Variants in KIF20B observed in about 807,000 individuals in gnomAD.
KIF20B encodes kinesin family member 20B, also known as kinesin-like protein KIF20B.
Under a neutral mutation model 232.5 loss-of-function variants are expected in KIF20B, and 188 were observed. The observed-to-expected ratio is 0.81, with a 90% CI of 0.72 to 0.91. The LOEUF (loss-of-function observed/expected upper bound fraction) is 0.91. KIF20B is among the 40% of genes least tolerant of loss of function. KIF20B has a pLI of 0.00. For missense variants in KIF20B, 2,154 were observed against 2,055.9 expected, an observed-to-expected ratio of 1.05 and a Z score of -0.92; for synonymous variants, 712 against 683.0, an observed-to-expected ratio of 1.04 and a Z score of -0.66.
intron 29 of KIF20B, 53 bp downstream of exon 29, chr10:89,762,888 G>GT: frequency 7.5e-7 from 1 of 1,337,296 alleles, no homozygotes; most frequent in Non-Finnish European, 1.1e-6. Context: ...TTATAAAGCT[G>GT]TTATAGTATA....
chr10:89,760,584 T>C lies in KIF20B; in HGVS notation c.4739T>C (p.Leu1580Pro). The change falls in exon 28 of 33, where the codon CTT becomes CCT. Residue 1580 changes from leucine (L) to proline (P), a missense_variant. Transcript: ENST00000371728. ...KRISSADPDK[L>P]QTEPLSTSFE... ...ATTAGTTCAGCAGATCCTGACAAAC[T>C]TCAAACTGAACCTCTATCGACAAGT... 6.2e-7 allele frequency: 1 copy of C among 1,613,174 alleles called. No homozygotes were observed. Among genetic ancestry groups the C allele is most frequent in the Non-Finnish European group, 8.5e-7 (1 of 1,179,376 alleles).
At chr10:89,726,272 T>C in intron 15 of KIF20B, 21 bp from the exon 16 acceptor site, 1 of 1,538,540 alleles carries the variant, frequency 6.5e-7, no homozygotes, top group South Asian at 1.2e-5. Context: ...ATATTAGGCA[T>C]GTGGTTTTTG....
chr10:89,726,744 G>A (rs757401071), intron 16 of KIF20B, among the ~76,000 whole-genome samples: 1 of 152,054 alleles, frequency 6.6e-6, no homozygotes, highest in Non-Finnish European at 1.5e-5. Flanking sequence ...ATTAGAAAAT[G>A]AGCTTCTCAA....
rs143017860 is a variant in KIF20B at position 89,712,126 on chromosome 10, G to A, written c.675+981G>A. 2.8e-3 allele frequency among the ~76,000 whole-genome samples: 425 copies of A among 151,276 alleles called. 2 individuals carry two copies. Among genetic ancestry groups the A allele is most frequent in the African/African-American group, 9.6e-3 (393 of 41,144 alleles). ...TATCTAGTATTGTATGACTTTTCTT[G>A]TTTACTGATTTATTAAAATGTATTT... On this transcript the variant is annotated intron_variant, in intron 6 of 32. Transcript: ENST00000371728.
chr10:89,764,630 AT>A (rs1178010682), intron 29 of KIF20B, among the ~76,000 whole-genome samples: 2 of 151,912 alleles, frequency 1.3e-5, no homozygotes, highest in Non-Finnish European at 2.9e-5. Context: ...TTTGATTTGC[AT>A]TTCTCTGATG....
intron 16 of KIF20B, 124 bp downstream of exon 16, chr10:89,726,645 C>A: frequency 4.0e-6 from 3 of 746,290 alleles, no homozygotes; most frequent in Non-Finnish European, 5.8e-6. Context: ...ATCTAGGTAA[C>A]ATATTTTAAT....
intron 23 of KIF20B, among the ~76,000 whole-genome samples, chr10:89,749,472 T>C (rs571291287): frequency 6.6e-6 from 1 of 152,170 alleles, no homozygotes; most frequent in Non-Finnish European, 1.5e-5. Flanking sequence ...ATCACCACTA[T>C]CTAATTACTG....
At chr10:89,764,738 G>A (rs955370366) in intron 29 of KIF20B, among the ~76,000 whole-genome samples, 3 of 150,802 alleles carry the variant, frequency 2.0e-5, no homozygotes, top group African/African-American at 7.3e-5. Context: ...CTTTTTGATG[G>A]GGTTGTTTGT....
chr10:89,719,579 A>T lies in KIF20B; in HGVS notation c.1595A>T (p.Asp532Val). The T allele has an allele frequency of 6.2e-7, 1 of 1,613,646 alleles. No homozygotes were observed. The highest frequency in any genetic ancestry group is 8.5e-7 in the Non-Finnish European group (1 of 1,179,724). Residue 532 changes from aspartate (D) to valine (V), a missense_variant, in exon 13 of 33, where the codon GAC becomes GTC. Transcript: ENST00000371728. ...AATAGTCTAGAAGATTTGATGGAAG[A>T]CGAGGATTTGGTTGAGGAGCTAGAA... ...WENSLEDLME[D>V]EDLVEELENA...
In KIF20B at chr10:89,702,385, C is replaced by G. The variant is rs547516549; in HGVS notation, c.-2+705C>G. On this transcript the variant is annotated intron_variant, in intron 1 of 32. Transcript: ENST00000371728. ...CGATTCGCTCGCTGGTTCAGTGATG[C>G]ATGTCTGGCACAGTTCTCTTATATT... Among the ~76,000 whole-genome samples, 6 of 152,340 alleles carry G rather than the reference C, an allele frequency of 3.9e-5. No homozygotes were observed. The East Asian group carries it at 1.2e-3, about 29-fold the overall frequency.
chr10:89,718,517 GAAACAA>G (rs1842982792), intron 11 of KIF20B, among the ~76,000 whole-genome samples, 187 bp from the exon 12 acceptor site: 1 of 151,832 alleles, frequency 6.6e-6, no homozygotes, highest in African/African-American at 2.4e-5. Context: ...TCTCAAAACA[GAAACAA>G]AAACAAAAAC....
At chr10:89,721,699 G>GTT (rs1185937752) in intron 13 of KIF20B, among the ~76,000 whole-genome samples, 24 of 144,766 alleles carry the variant, frequency 1.7e-4, no homozygotes, top group African/African-American at 5.8e-4. Flanking sequence ...AAAAAACCCA[G>GTT]TTTTTTTTTT....
intron 27 of KIF20B, among the ~76,000 whole-genome samples, chr10:89,760,143 G>C (rs1195655270): frequency 6.6e-6 from 1 of 152,144 alleles, no homozygotes; most frequent in Non-Finnish European, 1.5e-5. Flanking sequence ...ACTCAGTACA[G>C]ACCTTGACCA....
At chr10:89,760,963 A>AT (rs1218296797) in intron 28 of KIF20B, among the ~76,000 whole-genome samples, 2 of 152,124 alleles carry the variant, frequency 1.3e-5, no homozygotes, top group Non-Finnish European at 2.9e-5. Context: ...GTTAAATAGT[A>AT]TTTTTTGGAA....
intron 31 of KIF20B, among the ~76,000 whole-genome samples, chr10:89,771,958 C>G (rs7081362): frequency 0.31 from 46,822 of 151,630 alleles, 8,129 homozygotes; most frequent in African/African-American, 0.46. Flanking sequence ...CTGGCTTCTC[C>G]GATACCTGGA....
chr10:89,731,777 C>CATTT (rs1361858378), intron 18 of KIF20B, among the ~76,000 whole-genome samples: 1 of 152,070 alleles, frequency 6.6e-6, no homozygotes, highest in East Asian at 1.9e-4. Context: ...ATGATTTTGT[C>CATTT]ATTTATCAGT....
intron 19 of KIF20B, among the ~76,000 whole-genome samples, chr10:89,733,984 G>A (rs776502923): frequency 1.2e-4 from 18 of 151,832 alleles, no homozygotes; most frequent in Non-Finnish European, 1.8e-4. Flanking sequence ...CAGTATCGAA[G>A]GCAAAACTAG....
In KIF20B at chr10:89,719,423, G is replaced by C. The variant is rs141485845; in HGVS notation, c.1439G>C (p.Cys480Ser). Residue 480 changes from cysteine to serine, a missense_variant, in exon 13 of 33, where the codon TGT becomes TCT. Coordinates refer to ENST00000371728, the MANE Select transcript of KIF20B (RefSeq NM_001284259.2). ...TCACATTGAATATTTTAACAGGTTTGTGTCCCAGACACTTTAAATTCCTCT... is the reference window on the plus strand; with the variant it reads ...TCACATTGAATATTTTAACAGGTTTCTGTCCCAGACACTTTAAATTCCTCT... ...LKFSAIAQKV[C>S]VPDTLNSSQE... 2 of 1,559,222 alleles carry C rather than the reference G, an allele frequency of 1.3e-6. No homozygotes were observed. Among genetic ancestry groups the C allele is most frequent in the Non-Finnish European group, 1.7e-6 (2 of 1,155,902 alleles).
chr10:89,751,814 C>T (rs533811110), intron 24 of KIF20B, among the ~76,000 whole-genome samples: 1 of 151,950 alleles, frequency 6.6e-6, no homozygotes, highest in Admixed American at 6.6e-5. Flanking sequence ...ATGTTGATCT[C>T]AATAAATACT....
Sources: gnomAD v4.1 joint callset for allele counts (sites outside exome capture counted in the v4.1 genomes callset) on GRCh38, gnomAD v4.1.1 for gene constraint, MANE v1.5 for transcripts, NCBI Gene and HGNC (gene_info 2026-07-23, HGNC 2026-07-21) for gene names.